FAT2: variants seen among roughly 807,000 people sequenced by gnomAD.
The protein encoded by FAT2 is FAT atypical cadherin 2.
FAT2 carries 150 observed loss-of-function variants against 295.3 expected under a neutral mutation model. The observed-to-expected ratio is 0.51, with a 90% CI of 0.44 to 0.58. The LOEUF is 0.58. FAT2 is among the 20% of genes least tolerant of loss of function. The pLI is 0.00. For missense variants in FAT2, 4,868 were observed against 5,442.7 expected (o/e 0.89, Z 3.32); for synonymous variants, 2,026 against 2,150.3 (o/e 0.94, Z 1.60).
chr5:151,506,363 G>A (rs932465406), intron 23 of FAT2, among the ~76,000 whole-genome samples: 1 of 152,210 alleles, frequency 6.6e-6, no homozygotes, highest in Non-Finnish European at 1.5e-5. Context: ...GAAGGATTTG[G>A]ATGTCTCCAT....
upstream of FAT2, among the ~76,000 whole-genome samples, chr5:151,592,234 G>GCA (rs757429539): frequency 2.0e-5 from 3 of 152,170 alleles, no homozygotes; most frequent in Non-Finnish European, 2.9e-5. Flanking sequence ...ACAAGGATTA[G>GCA]CACTCCTCTC....
intron 1 of FAT2, among the ~76,000 whole-genome samples, chr5:151,583,997 CAAAAA>C (rs35453556): frequency 4.3e-5 from 2 of 46,042 alleles, no homozygotes; most frequent in African/African-American, 2.0e-4. Flanking sequence ...GGCTCTGTCT[CAAAAA>C]AAAAAAAAAA....
chr5:151,545,698 A>C lies in FAT2; in HGVS notation c.5429T>G (p.Leu1810Trp). 1 of 1,614,168 alleles carries C rather than the reference A, an allele frequency of 6.2e-7. No homozygotes were observed. Among genetic ancestry groups the C allele is most frequent in the Non-Finnish European group, 8.5e-7 (1 of 1,180,042 alleles). Reference protein sequence around the residue: ...LVYKILEPEALKFFKIDPSMG... With the variant: ...LVYKILEPEAWKFFKIDPSMG... ...GCTGGGATCAATTTTGAAAAACTTC[A>C]AGGCCTCCGGCTCCAAAATTTTATA... is the stretch of plus-strand genomic sequence containing the variant. Residue 1810 changes from leucine (L) to tryptophan (W), a missense_variant, in exon 10 of 24, where the codon TTG becomes TGG. This residue lies in a region of FAT2 where 3,297 missense variants were observed against 3,669.4 expected (regional missense o/e 0.90). Transcript: ENST00000261800.
At chr5:151,525,728 G>C (rs79602812) in intron 18 of FAT2, 40 bp downstream of exon 18, 1 of 1,609,342 alleles carries the variant, frequency 6.2e-7, no homozygotes, top group Non-Finnish European at 8.5e-7. Flanking sequence ...CATCTTTACT[G>C]TCCCCATGGT....
intron 18 of FAT2, 172 bp from the exon 19 acceptor site, chr5:151,522,258 C>G (rs1753549517): frequency 1.8e-6 from 1 of 563,748 alleles, no homozygotes; most frequent in African/African-American, 1.9e-5. Context: ...AAAGCACTGA[C>G]AGAAAAGAAA....
At position 151,510,066 on chromosome 5, in the gene FAT2, G is replaced by A; in HGVS notation, c.12014C>T (p.Pro4005Leu). 1.9e-6 allele frequency: 3 copies of A among 1,614,152 alleles called. No individual in the cohort carries two copies. In the South Asian group the frequency reaches 3.3e-5, roughly 18 times the overall value. The change falls in exon 22 of 24, where the codon CCC (proline) becomes CTC (leucine). Residue 4005 changes from proline to leucine, a missense_variant. By Grantham distance (98) the Pro-to-Leu change is moderately conservative. This residue lies in a region of FAT2 where 492 missense variants were observed against 482.6 expected (regional missense o/e 1.02). Transcript: ENST00000261800. ...CLEGGTCILS[P>L]KGASCNCPHP... ...AGGGCAGTTACAGGAAGCTCCTTTGGGGGAGAGGATGCAAGTTCCACCTTC... is the reference window on the plus strand; with the variant it reads ...AGGGCAGTTACAGGAAGCTCCTTTGAGGGAGAGGATGCAAGTTCCACCTTC...
rs2127580408 is a variant in FAT2 at position 151,521,963 on chromosome 5, C to T, written c.10630G>A (p.Glu3544Lys). 6.2e-7 allele frequency: 1 copy of T among 1,614,214 alleles called. No individual in the cohort carries two copies. The highest frequency in any genetic ancestry group is 8.5e-7 in the Non-Finnish European group (1 of 1,180,036). ...TTACCCACCATGCCACCCTGGAACT[C>T]ATCCTCTCCAACAGTGATGAAGATC... ...LEIFITVGED[E>K]FQGGMVGKIH... Residue 3544 changes from glutamate (E) to lysine (K), a missense_variant, in exon 19 of 24, where the codon GAG (glutamate) becomes AAG (lysine). This residue lies in a region of FAT2 where 1,046 missense variants were observed against 1,210.1 expected (regional missense o/e 0.86). Coordinates refer to ENST00000261800, the MANE Select transcript of FAT2 (RefSeq NM_001447.3).
In FAT2 at chr5:151,512,907, T is replaced by G. The variant is rs1463415405; in HGVS notation, c.11464-301A>C. The G allele has an allele frequency of 5.0e-6, 2 of 397,922 alleles. No individual in the cohort carries two copies. Among genetic ancestry groups the G allele is most frequent in the African/African-American group, 2.0e-5 (1 of 49,784 alleles). The allele number at this position is 397,922 out of a possible 1,614,324, so 24.6% of individuals were successfully genotyped here. On this transcript the variant is annotated intron_variant, in intron 20 of 23. Transcript: ENST00000261800. This position sits in a 1 kb window ranked among gnomAD's most constrained non-coding sequence, Gnocchi z 4.1. ...ATCAAGACCCTGTATTTTGGATGCT[T>G]CTTCACAGGCCTGTCCAGAGTTCCA... is the stretch of plus-strand genomic sequence containing the variant.
Position 151,567,000 on chromosome 5 carries a change from A to T in FAT2, c.1932T>A (p.Asp644Glu). The change falls in exon 2 of 24, where the codon GAT (aspartate) becomes GAA (glutamate). Residue 644 changes from aspartate (D) to glutamate (E), a missense_variant. Physicochemically the swap from Asp to Glu is conservative, Grantham distance 45. Transcript: ENST00000261800. ...TTGTGGGTGAGGCATAGTTTTTGCC[A>T]TCTGAGGCTGTAATCTTCAGGGAAT... ...TSYSLKITAS[D>E]GKNYASPTTL... The T allele has an allele frequency of 1.2e-6, 2 of 1,614,174 alleles. No individual in the cohort carries two copies. Among genetic ancestry groups the T allele is most frequent in the Non-Finnish European group, 1.7e-6 (2 of 1,180,038 alleles).
chr5:151,543,890 G>A lies in FAT2; in HGVS notation c.7237C>T (p.Arg2413Cys), dbSNP rs764323221. The A allele has an allele frequency of 5.9e-5, 95 of 1,614,076 alleles. No individual in the cohort carries two copies. The highest frequency in any genetic ancestry group is 2.0e-4 in the East Asian group (9 of 44,904). ...CCAGAAAGAATCAGGTACTCCAGGC[G>A]GGAGGTGTCTCTGCTGTCAGGGTCA... ...AIDPDSRDTS[R>C]LEYLILSGNQ... The change falls in exon 10 of 24, where the codon CGC (arginine) becomes TGC (cysteine). Residue 2413 changes from arginine (R) to cysteine (C), a missense_variant. Coordinates refer to ENST00000261800, the MANE Select transcript of FAT2 (RefSeq NM_001447.3).
rs201382441 is a variant in FAT2 at position 151,544,651 on chromosome 5, A to G, written c.6476T>C (p.Val2159Ala). 6.8e-5 allele frequency: 110 copies of G among 1,614,076 alleles called. No homozygotes were observed. In the East Asian group the frequency reaches 2.1e-3, roughly 31 times the overall value. ...GTPSLQSEEE[V>A]LVTVRNKSNP... ...GGATTTATTTCTCACAGTGACAAGT[A>G]CCTCTTCCTCACTCTGGAGGGATGG... Residue 2159 changes from valine to alanine, a missense_variant, in exon 10 of 24, where the codon GTA becomes GCA. Transcript: ENST00000261800.
At chr5:151,508,072 T>C (rs1761036418) in intron 22 of FAT2, among the ~76,000 whole-genome samples, 1 of 152,192 alleles carries the variant, frequency 6.6e-6, no homozygotes, top group Non-Finnish European at 1.5e-5. Flanking sequence ...TCAGCCACCT[T>C]ACAATGGGCA....
chr5:151,505,555 GA>G lies in FAT2; in HGVS notation c.*9del. The G allele has an allele frequency of 6.2e-7, 1 of 1,613,974 alleles. No individual in the cohort carries two copies. The highest frequency in any genetic ancestry group is 8.5e-7 in the Non-Finnish European group (1 of 1,179,966). On this transcript the variant is annotated 3_prime_UTR_variant, in exon 24 of 24. Coordinates refer to ENST00000261800, the MANE Select transcript of FAT2 (RefSeq NM_001447.3). ...TGGCCTCCCGCCTGCCTTGCTCTGG[GA>G]ATGGGAAGCTAGAACATGACCTCCT... is the stretch of plus-strand genomic sequence containing the variant.
intron 1 of FAT2, among the ~76,000 whole-genome samples, chr5:151,590,054 C>T (rs1759338443): frequency 6.6e-6 from 1 of 152,242 alleles, no homozygotes; most frequent in Admixed American, 6.5e-5. Context: ...TCTTCCCACT[C>T]TGCCACACTG....
At position 151,545,647 on chromosome 5, in the gene FAT2, T is replaced by C; in HGVS notation, c.5480A>G (p.Glu1827Gly). 1.2e-6 allele frequency: 2 copies of C among 1,614,210 alleles called. No individual in the cohort carries two copies. Among genetic ancestry groups the C allele is most frequent in the Non-Finnish European group, 8.5e-7 (1 of 1,180,032 alleles). Reference protein sequence around the residue: ...PSMGTLTIVSEMDYESMPSFQ... With the variant: ...PSMGTLTIVSGMDYESMPSFQ... ...AGAGGGCATGCTCTCATAATCCATC[T>C]CTGATACAATGGTTAGGGTTCCCAT... Residue 1827 changes from glutamate to glycine, a missense_variant, in exon 10 of 24, where the codon GAG becomes GGG. By Grantham distance (98) the Glu-to-Gly change is moderately conservative (BLOSUM62 -2). Transcript: ENST00000261800.
Position 151,567,466 on chromosome 5 carries a change from T to C in FAT2, c.1466A>G (p.Glu489Gly). ...AVTATDRDHG[E>G]NGYVTYSIAG... The stretch of plus-strand genomic sequence containing the variant: ...AATGGAATAGGTGACATATCCATTT[T>C]CCCCATGATCCCGGTCAGTGGCAGT... The change falls in exon 2 of 24, where the codon GAA becomes GGA. Residue 489 changes from glutamate to glycine, a missense_variant. Glu to Gly is a moderately conservative substitution (Grantham distance 98, BLOSUM62 -2). Around this residue, in one of 5 missense-constraint regions of FAT2, gnomAD observed 3,297 missense variants for 3,669.4 expected, o/e 0.90. Coordinates refer to ENST00000261800, the MANE Select transcript of FAT2 (RefSeq NM_001447.3). The C allele has an allele frequency of 6.2e-7, 1 of 1,614,118 alleles. No individual in the cohort carries two copies. The highest frequency in any genetic ancestry group is 8.5e-7 in the Non-Finnish European group (1 of 1,180,006).
chr5:151,521,049 T>C (rs1315956360), intron 19 of FAT2, among the ~76,000 whole-genome samples: 1 of 152,222 alleles, frequency 6.6e-6, no homozygotes, highest in Non-Finnish European at 1.5e-5. Context: ...CCACATATTG[T>C]AGTCTTACTG....
chr5:151,534,658 A>C lies in FAT2; in HGVS notation c.9194-16T>G. 1 of 1,595,854 alleles carries C rather than the reference A, an allele frequency of 6.3e-7. No homozygotes were observed. The highest frequency in any genetic ancestry group is 8.6e-7 in the Non-Finnish European group (1 of 1,164,518). ...GTCAGCTCCCCTGGTCGGAGAAATG[A>C]CAAAAGTTGAGCTTTCTCTGGGGAA... On this transcript the variant is annotated splice_polypyrimidine_tract_variant and intron_variant, in intron 12 of 23. Transcript: ENST00000261800.
At chr5:151,582,136 G>T (rs1031496833) in intron 1 of FAT2, among the ~76,000 whole-genome samples, 4 of 152,244 alleles carry the variant, frequency 2.6e-5, no homozygotes, top group African/African-American at 9.6e-5. Context: ...GCAGAGCCAA[G>T]GCACGAGAGA....
Sources: allele counts gnomAD v4.1 joint callset (sites outside exome capture counted in the v4.1 genomes callset), GRCh38; gene constraint gnomAD v4.1.1; regional missense constraint gnomAD v4.1.1; non-coding constraint Gnocchi (gnomAD v3.1); transcripts MANE v1.5; gene names NCBI Gene and HGNC (gene_info 2026-07-23, HGNC 2026-07-21).